Variants in RBFOX1 observed in about 807,000 individuals in gnomAD.
RBFOX1 encodes the protein RNA binding fox-1 homolog 1, also known as RNA binding protein fox-1 homolog 1.
RBFOX1 carries 8 observed loss-of-function variants against 57.7 expected under a neutral mutation model. That is an observed-to-expected ratio of 0.14 (90% CI 0.08 to 0.25). The LOEUF is 0.25. RBFOX1 is among the 10% of genes least tolerant of loss of function. RBFOX1 has a pLI of 1.00. For missense variants in RBFOX1, 611 were observed against 548.5 expected (o/e 1.11, Z -1.14); for synonymous variants, 326 against 222.4 (o/e 1.47, Z -4.15).
intron 2 of RBFOX1, among the ~76,000 whole-genome samples, chr16:6,456,397 G>T (rs1558353): frequency 1.3e-5 from 2 of 152,010 alleles, no homozygotes; most frequent in Non-Finnish European, 2.9e-5. Context: ...CTGTTCTGAA[G>T]TTCTGGGCTC....
At chr16:5,706,633 G>A (rs1330686656) in intron 3 of RBFOX1, among the ~76,000 whole-genome samples, 1 of 152,172 alleles carries the variant, frequency 6.6e-6, no homozygotes, top group Admixed American at 6.5e-5. Flanking sequence ...ATTTTCTCCA[G>A]AGTGTCTCTC....
intron 3 of RBFOX1, among the ~76,000 whole-genome samples, chr16:6,951,143 C>G (rs2080670908): frequency 6.6e-6 from 1 of 152,074 alleles, no homozygotes; most frequent in South Asian, 2.1e-4. Context: ...CTGGACTCAA[C>G]AAATCCTCCA....
intron 4 of RBFOX1, among the ~76,000 whole-genome samples, chr16:7,449,957 G>C (rs1390571548): frequency 7.2e-5 from 11 of 152,132 alleles, no homozygotes; most frequent in Admixed American, 7.2e-4. Context: ...GACTGCAGTA[G>C]AAGGATGGCG....
intron 1 of RBFOX1, among the ~76,000 whole-genome samples, chr16:5,326,455 C>G (rs1441034342): frequency 6.6e-6 from 1 of 152,234 alleles, no homozygotes; most frequent in Non-Finnish European, 1.5e-5. Context: ...AACAGTGTTT[C>G]TGTTGCATTC....
chr16:7,490,780 C>T (rs1010757869), intron 4 of RBFOX1, among the ~76,000 whole-genome samples: 1 of 152,096 alleles, frequency 6.6e-6, no homozygotes, highest in Non-Finnish European at 1.5e-5. Context: ...CAAGCTTTCC[C>T]ATGTCTCAAA....
intron 1 of RBFOX1, among the ~76,000 whole-genome samples, chr16:5,444,942 A>G (rs572481): frequency 0.24 from 36,470 of 152,134 alleles, 5,295 homozygotes; most frequent in African/African-American, 0.41. Context: ...GTCACAGGCC[A>G]GAAAGCTAAT....
chr16:5,580,934 C>T (rs750587610), intron 2 of RBFOX1, among the ~76,000 whole-genome samples: 29 of 152,156 alleles, frequency 1.9e-4, no homozygotes, highest in African/African-American at 5.6e-4. Flanking sequence ...ATGATGAGGA[C>T]GTGACAGGCT....
intron 2 of RBFOX1, among the ~76,000 whole-genome samples, chr16:6,578,523 C>T (rs1023243615): frequency 3.3e-5 from 5 of 150,652 alleles, no homozygotes; most frequent in African/African-American, 2.4e-5. Flanking sequence ...GCATTTTACT[C>T]AGCACAAGCA....
intron 4 of RBFOX1, among the ~76,000 whole-genome samples, chr16:7,514,662 G>T (rs1400477796): frequency 2.0e-5 from 3 of 152,138 alleles, no homozygotes; most frequent in African/African-American, 7.2e-5. Flanking sequence ...CAAGGGGGTA[G>T]GTGAGGCTTT....
intron 3 of RBFOX1, among the ~76,000 whole-genome samples, chr16:5,651,063 T>TTTG (rs2049222997): frequency 8.0e-6 from 1 of 125,602 alleles, no homozygotes; most frequent in Non-Finnish European, 1.7e-5. Context: ...TTTTTTTTTT[T>TTTG]TTTTTTTGAG....
chr16:7,394,099 C>T (rs150730311), intron 4 of RBFOX1, among the ~76,000 whole-genome samples: 2,219 of 151,668 alleles, frequency 0.015, 55 homozygotes, highest in African/African-American at 0.051. Context: ...AGCCGGGTGT[C>T]CTGGTGCGTG....
At chr16:6,388,449 CAT>C (rs758291498) in intron 2 of RBFOX1, among the ~76,000 whole-genome samples, 70 of 152,194 alleles carry the variant, frequency 4.6e-4, no homozygotes, top group East Asian at 2.5e-3. Context: ...TGATTTAAAA[CAT>C]GTGTTTGTTT....
intron 2 of RBFOX1, among the ~76,000 whole-genome samples, chr16:6,358,251 T>G (rs1165284013): frequency 6.6e-6 from 1 of 152,204 alleles, no homozygotes; most frequent in African/African-American, 2.4e-5. Context: ...ACAAGGGACT[T>G]TTAACAGTTT....
intron 4 of RBFOX1, among the ~76,000 whole-genome samples, chr16:7,516,715 C>A (rs1449912377): frequency 2.6e-5 from 4 of 152,200 alleles, no homozygotes; most frequent in African/African-American, 9.7e-5. Flanking sequence ...GAATGATTTA[C>A]TTGTAAAATG....
At chr16:6,968,472 C>T (rs1381342287) in intron 3 of RBFOX1, among the ~76,000 whole-genome samples, 1 of 152,138 alleles carries the variant, frequency 6.6e-6, no homozygotes, top group African/African-American at 2.4e-5. Context: ...GACCGAAAAA[C>T]TGAGGCTTCT....
intron 4 of RBFOX1, among the ~76,000 whole-genome samples, chr16:5,932,209 A>G (rs1218707511): frequency 6.6e-6 from 1 of 152,210 alleles, no homozygotes; most frequent in Non-Finnish European, 1.5e-5. Context: ...TTGGTCAAAA[A>G]AGAGGAAGTT....
At chr16:5,394,935 C>T (rs2066509140) in intron 1 of RBFOX1, among the ~76,000 whole-genome samples, 1 of 152,100 alleles carries the variant, frequency 6.6e-6, no homozygotes, top group African/African-American at 2.4e-5. Flanking sequence ...ACCTTGTGTC[C>T]AGCCGGCATG....
intron 2 of RBFOX1, among the ~76,000 whole-genome samples, chr16:6,360,172 C>T (rs1044487811): frequency 6.6e-6 from 1 of 151,834 alleles, no homozygotes; most frequent in Non-Finnish European, 1.5e-5. Flanking sequence ...TCAGCCTGTA[C>T]CTTGTAATGA....
At chr16:7,007,141 A>C (rs529458987) in intron 3 of RBFOX1, among the ~76,000 whole-genome samples, 1 of 152,266 alleles carries the variant, frequency 6.6e-6, no homozygotes, top group South Asian at 2.1e-4. Context: ...GTCCATTTTC[A>C]AACTCCTTCA....
Sources: allele counts gnomAD v4.1 joint callset (sites outside exome capture counted in the v4.1 genomes callset), GRCh38; gene constraint gnomAD v4.1.1; transcripts MANE v1.5; gene names NCBI Gene and HGNC (gene_info 2026-07-23, HGNC 2026-07-21).